The following LDB2 variants were observed in gnomAD, a reference collection of about 807,000 sequenced individuals.
LDB2 encodes LIM domain binding 2.
A neutral mutation model predicts 44.3 loss-of-function variants in LDB2; 12 were observed. The ratio of observed to expected loss-of-function variants is 0.27; its 90% CI spans 0.17 to 0.44. The LOEUF (loss-of-function observed/expected upper bound fraction) is 0.44. LDB2 is among the 20% of genes least tolerant of loss of function. The probability of loss-of-function intolerance (pLI) is 1.00; values close to 1 mark genes in which losing one functional copy is unlikely to be tolerated. For synonymous variants in LDB2, 164 were observed against 174.8 expected (o/e 0.94, Z 0.49); for missense variants, 344 against 473.5 (o/e 0.73, Z 2.54).
At chr4:16,568,088 A>C (rs2152393578) in intron 5 of LDB2, among the ~76,000 whole-genome samples, 1 of 152,330 alleles carries the variant, frequency 6.6e-6, no homozygotes, top group East Asian at 1.9e-4. Flanking sequence ...AATATTTAAC[A>C]ATCTTTGACC....
chr4:16,780,367 C>T (rs373648724), intron 1 of LDB2, among the ~76,000 whole-genome samples: 24 of 152,176 alleles, frequency 1.6e-4, no homozygotes, highest in African/African-American at 4.8e-4. Context: ...AGATTATAGG[C>T]GCCTGCCACC....
At chr4:16,890,722 G>A (rs570662918) in intron 1 of LDB2, among the ~76,000 whole-genome samples, 1 of 152,188 alleles carries the variant, frequency 6.6e-6, no homozygotes, top group African/African-American at 2.4e-5. Context: ...GTCTGGTAAA[G>A]GAGAACCAGA....
intron 3 of LDB2, among the ~76,000 whole-genome samples, chr4:16,592,185 A>C (rs543233758): frequency 1.3e-5 from 2 of 152,190 alleles, no homozygotes; most frequent in East Asian, 3.9e-4. Context: ...AAAAAAGAAC[A>C]TTTCTCAAAC....
At chr4:16,516,441 C>T (rs903015468) in intron 5 of LDB2, among the ~76,000 whole-genome samples, 2 of 152,190 alleles carry the variant, frequency 1.3e-5, no homozygotes, top group African/African-American at 2.4e-5. Flanking sequence ...GCATTCTGCT[C>T]GGTGCTGGGG....
At chr4:16,648,506 G>C (rs1737395038) in intron 2 of LDB2, among the ~76,000 whole-genome samples, 1 of 152,134 alleles carries the variant, frequency 6.6e-6, no homozygotes, top group African/African-American at 2.4e-5. Flanking sequence ...ACTGGCACCA[G>C]GCAGTAACTA....
chr4:16,598,018 A>G (rs567184381), intron 2 of LDB2, among the ~76,000 whole-genome samples: 1 of 152,198 alleles, frequency 6.6e-6, no homozygotes, highest in South Asian at 2.1e-4. Context: ...CTGCCCTCCC[A>G]TTTTCCCATG....
intron 1 of LDB2, among the ~76,000 whole-genome samples, chr4:16,818,113 C>G (rs1294505619): frequency 1.3e-5 from 2 of 152,124 alleles, no homozygotes; most frequent in Non-Finnish European, 2.9e-5. Flanking sequence ...AGACTCTCCA[C>G]ATGCCTGGCC....
At chr4:16,515,363 C>T (rs1254579596) in intron 5 of LDB2, among the ~76,000 whole-genome samples, 1 of 152,168 alleles carries the variant, frequency 6.6e-6, no homozygotes. Context: ...GAAGCCCAAA[C>T]CTCAGCATCA....
rs1554000463 is a variant in LDB2, at chr4:16,749,585, A to AAT, written c.235+9572_235+9573insAT. On this transcript the variant is annotated intron_variant, in intron 2 of 7. Transcript: ENST00000304523. ...AAAAAAAAAAAAATAAAAAAATAAA[A>AAT]AAAAATATATATATATATATATGAG... Among the ~76,000 whole-genome samples, 4 of 133,190 alleles carry AAT rather than the reference A, an allele frequency of 3.0e-5. No homozygotes were observed. In the East Asian group the frequency reaches 7.9e-4, roughly 26 times the overall value. 87.4% of individuals were successfully genotyped at this position (133,190 alleles called of 152,430 possible). A position where few individuals can be genotyped will look rare whatever the true frequency, so the allele number is the denominator to read the frequency against.
intron 5 of LDB2, among the ~76,000 whole-genome samples, chr4:16,583,148 G>T (rs1715396841): frequency 6.6e-6 from 1 of 152,180 alleles, no homozygotes; most frequent in African/African-American, 2.4e-5. Flanking sequence ...AGGTCTCCGT[G>T]AGAATGATTA....
intron 1 of LDB2, among the ~76,000 whole-genome samples, chr4:16,827,854 T>C (rs1783340890): frequency 6.6e-6 from 1 of 152,190 alleles, no homozygotes; most frequent in Non-Finnish European, 1.5e-5. Context: ...GATGACACAC[T>C]GGTTGGGCCA....
intron 5 of LDB2, among the ~76,000 whole-genome samples, chr4:16,519,440 C>T (rs1322113035): frequency 2.0e-5 from 3 of 151,938 alleles, no homozygotes; most frequent in Admixed American, 6.5e-5. Flanking sequence ...ACTATTAACT[C>T]GTAACTGCTA....
rs185869833 is a variant in LDB2 at position 16,679,307 on chromosome 4, G to A, written c.235+79851C>T. Among the ~76,000 whole-genome samples, 586 of 152,212 alleles carry A rather than the reference G, an allele frequency of 3.8e-3. 3 individuals carry two copies. The highest frequency in any genetic ancestry group is 0.013 in the African/African-American group (555 of 41,528). On this transcript the variant is annotated intron_variant, in intron 2 of 7. Transcript: ENST00000304523. ...AGTGAGAGAAGAAAGGAGGAGGAGAGGGAGGAAGGAAGGAAGGAAGGCAGG... is the reference window on the plus strand; with the variant it reads ...AGTGAGAGAAGAAAGGAGGAGGAGAAGGAGGAAGGAAGGAAGGAAGGCAGG...
intron 2 of LDB2, among the ~76,000 whole-genome samples, chr4:16,714,262 T>C (rs1352113411): frequency 1.3e-5 from 2 of 152,230 alleles, no homozygotes; most frequent in Non-Finnish European, 2.9e-5. Context: ...GCTGTGCTTC[T>C]TCAGCAAGAA....
intron 5 of LDB2, among the ~76,000 whole-genome samples, chr4:16,568,790 A>G (rs2152394781): frequency 6.6e-6 from 1 of 152,294 alleles, no homozygotes; most frequent in South Asian, 2.1e-4. Context: ...ATATAGGTGG[A>G]CCCTCGCAGT....
intron 2 of LDB2, among the ~76,000 whole-genome samples, chr4:16,700,995 T>C (rs1753313499): frequency 1.3e-5 from 2 of 152,100 alleles, no homozygotes; most frequent in South Asian, 4.1e-4. Flanking sequence ...CTCAAAGCAG[T>C]CCTGTGAGAG....
At chr4:16,682,277 T>C (rs1289774622) in intron 2 of LDB2, among the ~76,000 whole-genome samples, 1 of 152,148 alleles carries the variant, frequency 6.6e-6, no homozygotes, top group African/African-American at 2.4e-5. Flanking sequence ...TTAGATTCTG[T>C]CAGCCATAAA....
chr4:16,657,759 T>G (rs1008577978), intron 2 of LDB2, among the ~76,000 whole-genome samples: 8 of 152,252 alleles, frequency 5.3e-5, no homozygotes, highest in African/African-American at 9.6e-5. Context: ...ATTTGTTGAT[T>G]AAACGAATGA....
intron 1 of LDB2, among the ~76,000 whole-genome samples, chr4:16,800,748 C>G (rs1200626152): frequency 6.6e-6 from 1 of 152,252 alleles, no homozygotes; most frequent in East Asian, 1.9e-4. Context: ...AATCTCGGCT[C>G]ACTGCCAGCT....
Sources: allele counts gnomAD v4.1 joint callset (sites outside exome capture counted in the v4.1 genomes callset), GRCh38; gene constraint gnomAD v4.1.1; transcripts MANE v1.5; gene names NCBI Gene and HGNC (gene_info 2026-07-23, HGNC 2026-07-21).